Variants in PRICKLE2 observed in about 807,000 individuals in gnomAD.
The protein encoded by PRICKLE2 is prickle-like protein 2.
In PRICKLE2, 21 loss-of-function variants were observed where a neutral mutation model predicts 81.4. The observed-to-expected ratio is 0.26, with a 90% CI of 0.18 to 0.37. The LOEUF is 0.37. Among genes scored for constraint, PRICKLE2 ranks in the 10% least tolerant of loss-of-function variants. The pLI, the probability that PRICKLE2 is intolerant of heterozygous loss-of-function variation, is 1.00. For missense variants in PRICKLE2, 940 were observed against 1,109.0 expected, an observed-to-expected ratio of 0.85 and a Z score of 2.16; for synonymous variants, 456 against 421.5, an observed-to-expected ratio of 1.08 and a Z score of -1.00.
chr3:64,160,538 G>A (rs759339478), intron 3 of PRICKLE2, among the ~76,000 whole-genome samples: 2 of 152,304 alleles, frequency 1.3e-5, no homozygotes, highest in African/African-American at 4.8e-5. Flanking sequence ...AGGTGTCCAC[G>A]TGCTCACAGC....
intron 6 of PRICKLE2, among the ~76,000 whole-genome samples, chr3:64,150,626 G>A (rs1244149423): frequency 6.6e-6 from 1 of 152,102 alleles, no homozygotes; most frequent in African/African-American, 2.4e-5. Context: ...CCTTTGGTGA[G>A]CTCTAATCAG....
chr3:64,147,428 C>T lies in PRICKLE2; in HGVS notation c.1062G>A (p.Gln354=). ...KGKTEEPMLN[Q]HSQLQVSSNR... ...TAGAACTCACTTGCAGCTGGCTGTG[C>T]TGGTTCAGCATGGGCTCCTCCGTCT... The change falls in exon 7 of 8, where the codon CAG becomes CAA. Residue 354 remains glutamine, a synonymous_variant. Transcript: ENST00000638394. The surrounding 1 kb of genome is among the most constrained non-coding windows in gnomAD (Gnocchi z 5.0). 6.2e-7 allele frequency: 1 copy of T among 1,614,254 alleles called. No individual in the cohort carries two copies. The highest frequency in any genetic ancestry group is 8.5e-7 in the Non-Finnish European group (1 of 1,180,050).
intron 3 of PRICKLE2, among the ~76,000 whole-genome samples, chr3:64,161,238 T>C (rs2077728205): frequency 1.3e-5 from 2 of 151,106 alleles, no homozygotes; most frequent in African/African-American, 4.8e-5. Context: ...ATATGTGGTT[T>C]CGTTTCATTT....
At chr3:64,173,080 C>G (rs891709565) in intron 2 of PRICKLE2, among the ~76,000 whole-genome samples, 2 of 152,146 alleles carry the variant, frequency 1.3e-5, no homozygotes, top group Non-Finnish European at 1.5e-5. Context: ...GAATGGGAAA[C>G]CACCCCTAGG....
intron 2 of PRICKLE2, chr3:64,194,244 T>G (rs1420184790): frequency 6.6e-6 from 1 of 152,230 alleles, no homozygotes; most frequent in Non-Finnish European, 1.5e-5. Context: ...GGATCCCCAC[T>G]TTTTCACTCT....
chr3:64,099,774 T>C lies in PRICKLE2; in HGVS notation c.1812A>G (p.Ser604=). The change falls in exon 8 of 8, where the codon TCA becomes TCG. Residue 604 remains serine, a synonymous_variant. Transcript: ENST00000638394. The surrounding 1 kb of genome is among the most constrained non-coding windows in gnomAD (Gnocchi z 4.3). ...NSSMQFRSAE[S]VRSLLSAQQY... is the part of the protein sequence containing the mutation. ...GCTGGGCAGAGAGCAGGCTGCGAAC[T>C]GACTCTGCGCTCCGGAACTGCATGG... The C allele has an allele frequency of 6.2e-7, 1 of 1,614,230 alleles. No homozygotes were observed. The highest frequency in any genetic ancestry group is 8.5e-7 in the Non-Finnish European group (1 of 1,180,034).
intron 2 of PRICKLE2, among the ~76,000 whole-genome samples, chr3:64,235,533 C>T (rs746285619): frequency 6.6e-6 from 1 of 152,116 alleles, no homozygotes; most frequent in Non-Finnish European, 1.5e-5. Flanking sequence ...CACCCTGCCC[C>T]CCTTCTGGAG....
chr3:64,208,279 A>C (rs1183860028), intron 1 of PRICKLE2, among the ~76,000 whole-genome samples: 1 of 152,222 alleles, frequency 6.6e-6, no homozygotes, highest in Non-Finnish European at 1.5e-5. Context: ...TATTGCTGAG[A>C]TAATCCTGCC....
chr3:64,267,897 A>T (rs1341847423), intron 2 of PRICKLE2: 3 of 151,990 alleles, frequency 2.0e-5, no homozygotes, highest in Admixed American at 6.6e-5. Context: ...GGGGCCACTT[A>T]CCCGGCTTAG....
intron 7 of PRICKLE2, among the ~76,000 whole-genome samples, chr3:64,113,133 C>G (rs1395272754): frequency 6.6e-6 from 1 of 152,206 alleles, no homozygotes; most frequent in Non-Finnish European, 1.5e-5. Context: ...ACCATGGACA[C>G]TTGAGGTGGC....
chr3:64,136,064 T>C (rs1469827956), intron 7 of PRICKLE2, among the ~76,000 whole-genome samples: 2 of 152,206 alleles, frequency 1.3e-5, no homozygotes, highest in African/African-American at 4.8e-5. Context: ...TTAAGATATG[T>C]ATCATCCACA....
At chr3:64,194,426 C>T (rs979512946) in intron 2 of PRICKLE2, 2 of 152,228 alleles carry the variant, frequency 1.3e-5, no homozygotes, top group African/African-American at 4.8e-5. Context: ...CAGTGATCCT[C>T]CTATTCCCCA....
intron 1 of PRICKLE2, among the ~76,000 whole-genome samples, chr3:64,201,355 CCA>C (rs1468968739): frequency 6.6e-6 from 1 of 152,150 alleles, no homozygotes; most frequent in Non-Finnish European, 1.5e-5. Context: ...TTGTACATTC[CCA>C]CCACTGATGA....
rs570486994 is a variant in PRICKLE2, at chr3:64,093,887, T to C, written c.*5164A>G. The C allele has an allele frequency of 1.2e-4, 19 of 152,670 alleles. No individual in the cohort carries two copies. The highest frequency in any genetic ancestry group is 3.4e-3 in the Middle Eastern group (1 of 294). The allele number at this position is 152,670 out of a possible 1,614,324, so 9.5% of individuals were successfully genotyped here. On this transcript the variant is annotated 3_prime_UTR_variant, in exon 8 of 8. Coordinates refer to ENST00000638394, the MANE Select transcript of PRICKLE2 (RefSeq NM_198859.4). ...CAACATTTCTTTTATTCAAATTTTA[T>C]TGGAAGTTTACAAATGTATTACAGA...
chr3:64,141,318 C>T lies in PRICKLE2; in HGVS notation c.1660+5512G>A, dbSNP rs114106656. On this transcript the variant is annotated intron_variant, in intron 7 of 7. Transcript: ENST00000638394. ...GCAATGTGGCCTTGGGCTATTCAGC[C>T]TCTCAGTGCCTCATGTACACCATCT... Among the ~76,000 whole-genome samples, 459 of 152,318 alleles carry T rather than the reference C, an allele frequency of 3.0e-3. 2 individuals are homozygous for T. The highest frequency in any genetic ancestry group is 3.4e-3 in the Non-Finnish European group (231 of 68,028).
chr3:64,232,855 C>CA (rs1258071058), intron 2 of PRICKLE2, among the ~76,000 whole-genome samples: 1 of 152,184 alleles, frequency 6.6e-6, no homozygotes, highest in Non-Finnish European at 1.5e-5. Context: ...CGGATGAGAA[C>CA]AAATACCTTT....
chr3:64,113,807 G>A (rs980976006), intron 7 of PRICKLE2, among the ~76,000 whole-genome samples: 1 of 151,906 alleles, frequency 6.6e-6, no homozygotes, highest in Admixed American at 6.5e-5. Context: ...AGGGCACAGA[G>A]AAGGCACCCA....
In PRICKLE2 at chr3:64,245,689, T is replaced by C. The variant is rs796833466; in HGVS notation, c.129-46722A>G. 7.9e-5 allele frequency among the ~76,000 whole-genome samples: 12 copies of C among 152,254 alleles called. 1 individual carries two copies. Among genetic ancestry groups the C allele is most frequent in the African/African-American group, 2.9e-4 (12 of 41,560 alleles). On this transcript the variant is annotated intron_variant, in intron 2 of 8. Coordinates refer to the PRICKLE2 transcript ENST00000295902. The stretch of plus-strand genomic sequence containing the variant: ...GGGAGGATTCCTCTTTTTGTACCAA[T>C]GGATGATTCCTGAGAAAGTTTTAAA...
intron 5 of PRICKLE2, chr3:64,154,584 A>G (rs2077598264): frequency 6.6e-6 from 1 of 152,058 alleles, no homozygotes; most frequent in Non-Finnish European, 1.5e-5. Flanking sequence ...TTAAAGAGCT[A>G]GGGGCAAAAA....
Sources: gnomAD v4.1 joint callset for allele counts (sites outside exome capture counted in the v4.1 genomes callset) on GRCh38, gnomAD v4.1.1 for gene constraint, Gnocchi (gnomAD v3.1) non-coding constraint, MANE v1.5 for transcripts, NCBI Gene and HGNC (gene_info 2026-07-23, HGNC 2026-07-21) for gene names.